CDK13: variants seen among roughly 807,000 people sequenced by gnomAD.
The protein encoded by CDK13 is cyclin-dependent kinase 13.
CDK13 carries 40 observed loss-of-function variants against 137.6 expected under a neutral mutation model. The observed-to-expected ratio is 0.29, with a 90% CI of 0.23 to 0.38. The LOEUF is 0.38. Ranked by LOEUF, CDK13 falls within the 10% of genes least tolerant of loss-of-function variation. The probability of loss-of-function intolerance (pLI) is 1.00; values close to 1 mark genes in which losing one functional copy is unlikely to be tolerated. For synonymous variants in CDK13, 869 were observed against 760.1 expected (o/e 1.14, Z -2.36); for missense variants, 1,704 against 1,951.8 (o/e 0.87, Z 2.39).
intron 7 of CDK13, chr7:40,061,403 T>A (rs1453074198): frequency 6.6e-6 from 1 of 152,218 alleles, no homozygotes; most frequent in Admixed American, 6.5e-5. Flanking sequence ...AGTTTTATAA[T>A]GCTAGTGCTT....
At chr7:40,054,753 G>T (rs1785973536) in intron 7 of CDK13, among the ~76,000 whole-genome samples, 1 of 152,110 alleles carries the variant, frequency 6.6e-6, no homozygotes, top group African/African-American at 2.4e-5. Flanking sequence ...TTAATACTTG[G>T]TTAATCACTT....
At chr7:39,952,321 A>G (rs1415604628) in intron 1 of CDK13, 2 of 153,346 alleles carry the variant, frequency 1.3e-5, no homozygotes, top group African/African-American at 4.8e-5. Flanking sequence ...TCAGAGTTAG[A>G]TGTGGATTGC....
rs778302577 is a variant in CDK13 at position 40,094,808 on chromosome 7, A to C, written c.4367A>C (p.Lys1456Thr). 1.0e-5 allele frequency: 16 copies of C among 1,591,582 alleles called. No homozygotes were observed. The highest frequency in any genetic ancestry group is 1.4e-5 in the Non-Finnish European group (16 of 1,169,670). Residue 1456 changes from lysine to threonine, a missense_variant, in exon 14 of 14, where the codon AAG becomes ACG. By Grantham distance (78) the Lys-to-Thr change is moderately conservative. Transcript: ENST00000181839. ...GAGAGTACTCATCCTTTGCCAGCAA[A>C]GATGCACAACTATAACTATGGTGGT... Reference protein sequence around the residue: ...GPESTHPLPAKMHNYNYGGNL... With the variant: ...GPESTHPLPATMHNYNYGGNL...
chr7:40,060,319 A>G (rs933723229), intron 7 of CDK13, among the ~76,000 whole-genome samples: 3 of 152,210 alleles, frequency 2.0e-5, no homozygotes, highest in Non-Finnish European at 2.9e-5. Flanking sequence ...AAAATTAACT[A>G]TTTGTAGATA....
chr7:39,953,727 C>T (rs1787314775), intron 1 of CDK13, among the ~76,000 whole-genome samples: 1 of 152,112 alleles, frequency 6.6e-6, no homozygotes, highest in African/African-American at 2.4e-5. Flanking sequence ...TTTACATTGA[C>T]CACCAGTATT....
chr7:40,083,718 C>T (rs1786721253), intron 11 of CDK13, among the ~76,000 whole-genome samples: 1 of 152,062 alleles, frequency 6.6e-6, no homozygotes, highest in Non-Finnish European at 1.5e-5. Context: ...TCATTAAAAA[C>T]AAACATGTTA....
At chr7:40,028,599 A>C (rs998398705) in intron 5 of CDK13, among the ~76,000 whole-genome samples, 13 of 152,110 alleles carry the variant, frequency 8.5e-5, no homozygotes, top group African/African-American at 3.1e-4. Flanking sequence ...AGGATCAGAA[A>C]TGCAAATAAC....
At chr7:39,987,564 C>T (rs1784364942) in intron 1 of CDK13, 35 bp from the exon 2 acceptor site, 2 of 1,512,140 alleles carry the variant, frequency 1.3e-6, no homozygotes, top group South Asian at 1.4e-5. Flanking sequence ...GAACCTTTCT[C>T]AATTACTGAT....
chr7:39,956,318 C>T (rs879543138), intron 1 of CDK13, among the ~76,000 whole-genome samples: 1 of 152,168 alleles, frequency 6.6e-6, no homozygotes, highest in Non-Finnish European at 1.5e-5. Flanking sequence ...AAAGTGATGG[C>T]CTTGTGTTTT....
chr7:40,051,043 T>C (rs185491434), intron 7 of CDK13, among the ~76,000 whole-genome samples: 1 of 152,300 alleles, frequency 6.6e-6, no homozygotes, highest in East Asian at 1.9e-4. Context: ...GGGTGTGGTG[T>C]GTTCACTGGG....
intron 12 of CDK13, among the ~76,000 whole-genome samples, chr7:40,091,059 C>CAAAAATAA (rs1786910291): frequency 6.6e-6 from 1 of 151,300 alleles, no homozygotes; most frequent in Non-Finnish European, 1.5e-5. Context: ...AAAAATAAAA[C>CAAAAATAA]AACTGGCCGG....
intron 1 of CDK13, among the ~76,000 whole-genome samples, chr7:39,967,854 A>AT (rs1167441470): frequency 6.6e-6 from 1 of 151,746 alleles, no homozygotes. Context: ...GATGATGAGC[A>AT]TTTTTTCATG....
intron 9 of CDK13, among the ~76,000 whole-genome samples, chr7:40,066,499 G>C (rs1355182407): frequency 6.6e-6 from 1 of 152,090 alleles, no homozygotes; most frequent in Non-Finnish European, 1.5e-5. Context: ...CTGAACAGGA[G>C]GTAGTTGTTA....
intron 12 of CDK13, among the ~76,000 whole-genome samples, chr7:40,092,064 A>C (rs928718283): frequency 6.6e-6 from 1 of 152,176 alleles, no homozygotes; most frequent in Non-Finnish European, 1.5e-5. Context: ...GCATATATTA[A>C]TAATAAGCAT....
intron 5 of CDK13, among the ~76,000 whole-genome samples, chr7:40,031,910 C>T (rs1451872615): frequency 6.6e-6 from 1 of 151,294 alleles, no homozygotes; most frequent in Non-Finnish European, 1.5e-5. Context: ...TAGTCTCCAA[C>T]TCCTGCCTTC....
intron 5 of CDK13, among the ~76,000 whole-genome samples, chr7:40,030,812 C>T (rs1355349461): frequency 6.6e-6 from 1 of 152,056 alleles, no homozygotes; most frequent in Non-Finnish European, 1.5e-5. Flanking sequence ...TAACAGTATG[C>T]ACCTAAAGTT....
intron 5 of CDK13, among the ~76,000 whole-genome samples, chr7:40,007,899 G>A (rs1784825405): frequency 6.6e-6 from 1 of 152,170 alleles, no homozygotes; most frequent in South Asian, 2.1e-4. Flanking sequence ...AATGTTCTGT[G>A]GAATAGGTGG....
rs70996879 is a variant in CDK13, at chr7:40,082,486, C to CAA, written c.3029+3661_3029+3662dup. Among the ~76,000 whole-genome samples the CAA allele has an allele frequency of 8.9e-4, 67 of 74,862 alleles. 1 individual carries two copies. The highest frequency in any genetic ancestry group is 1.7e-3 in the African/African-American group (54 of 31,226). 49.1% of individuals were successfully genotyped at this position (74,862 alleles called of 152,430 possible). On this transcript the variant is annotated intron_variant, in intron 11 of 13. Coordinates refer to ENST00000181839, the MANE Select transcript of CDK13 (RefSeq NM_003718.5). ...GGGCGACAGAGTGAGACTCCATTTC[C>CAA]AAAAAAAAAAAAAAAAAAAAAAAAA...
intron 5 of CDK13, among the ~76,000 whole-genome samples, chr7:40,023,193 A>G (rs1037753507): frequency 2.0e-5 from 3 of 151,728 alleles, no homozygotes; most frequent in Admixed American, 6.6e-5. Context: ...CCCAGGTTCA[A>G]GAGATTCTCA....
Sources: gnomAD v4.1 joint callset for allele counts (sites outside exome capture counted in the v4.1 genomes callset) on GRCh38, gnomAD v4.1.1 for gene constraint, MANE v1.5 for transcripts, NCBI Gene and HGNC (gene_info 2026-07-23, HGNC 2026-07-21) for gene names.